UAP1L1: variants seen among roughly 807,000 people sequenced by gnomAD.
The protein encoded by UAP1L1 is UDP-N-acetylglucosamine pyrophosphorylase 1 like 1, also known as UDP-N-acetylhexosamine pyrophosphorylase-like protein 1.
In UAP1L1, 45 loss-of-function variants were observed where a neutral mutation model predicts 45.3. That is an observed-to-expected ratio of 0.99 (90% CI 0.78 to 1.27). The LOEUF (loss-of-function observed/expected upper bound fraction) is 1.27, where lower values mean the gene tolerates loss of function less well. Ranked by LOEUF, UAP1L1 falls within the 50% of genes most tolerant of loss-of-function variation. The pLI is 0.00. For missense variants in UAP1L1, 667 were observed against 694.0 expected (o/e 0.96, Z 0.44); for synonymous variants, 323 against 303.9 (o/e 1.06, Z -0.65).
At position 137,078,144 on chromosome 9, in the gene UAP1L1, C is replaced by T. The variant is rs1832723014; in HGVS notation, c.384C>T (p.Tyr128=). 2 of 1,550,064 alleles carry T rather than the reference C, an allele frequency of 1.3e-6. No individual in the cohort carries two copies. The highest frequency in any genetic ancestry group is 1.7e-6 in the Non-Finnish European group (2 of 1,146,868). The change falls in exon 2 of 9, where the codon TAC becomes TAT. Residue 128 remains tyrosine (Y), a synonymous_variant. Coordinates refer to ENST00000409858, the MANE Select transcript of UAP1L1 (RefSeq NM_207309.3). ...RLGVTYPKGM[Y]RVGLPSRKTL... ...GCGTGACCTACCCCAAGGGTATGTA[C>T]CGTGTGGGGCTGCCCAGCCGGAAGA...
rs1832822899 is a variant in UAP1L1, at chr9:137,083,383, G to A, written c.*654G>A. The stretch of plus-strand genomic sequence containing the variant: ...ATGTCCATGATCCAGGTGGCTCTGA[G>A]AAGCTTGGCCTGGACACCTGAGCCT... On this transcript the variant is annotated 3_prime_UTR_variant, in exon 9 of 9. Coordinates refer to ENST00000409858, the MANE Select transcript of UAP1L1 (RefSeq NM_207309.3). 1 of 152,428 alleles carries A rather than the reference G, an allele frequency of 6.6e-6. No individual in the cohort carries two copies. Among genetic ancestry groups the A allele is most frequent in the African/African-American group, 2.4e-5 (1 of 41,468 alleles). The allele number at this position is 152,428 out of a possible 1,614,324, so 9.4% of individuals were successfully genotyped here.
At position 137,078,654 on chromosome 9, in the gene UAP1L1, A is replaced by G. The variant is rs745357915; in HGVS notation, c.647A>G (p.Lys216Arg). 9.3e-6 allele frequency: 15 copies of G among 1,612,636 alleles called. No homozygotes were observed. Among genetic ancestry groups the G allele is most frequent in the Non-Finnish European group, 1.3e-5 (15 of 1,179,738 alleles). Residue 216 changes from lysine (K) to arginine (R), a missense_variant, in exon 3 of 9, where the codon AAA becomes AGA. Transcript: ENST00000409858. ...TFDGKVILERKDKVAMAPDGN... is the reference protein window; with the variant it reads ...TFDGKVILERRDKVAMAPDGN... The stretch of plus-strand genomic sequence containing the variant: ...GATGGCAAGGTTATCCTGGAGCGGA[A>G]AGACAAAGTTGCCATGGCCCCAGGT...
rs905246656 is a variant in UAP1L1 at position 137,077,961 on chromosome 9, T to C, written c.290-89T>C. The C allele has an allele frequency of 3.9e-5, 60 of 1,530,346 alleles. No individual in the cohort carries two copies. The highest frequency in any genetic ancestry group is 5.2e-5 in the Non-Finnish European group (59 of 1,144,718). The allele number at this position is 1,530,346 out of a possible 1,614,324, so 94.8% of individuals were successfully genotyped here. A position where few individuals can be genotyped will look rare whatever the true frequency, so the allele number is the denominator to read the frequency against. On this transcript the variant is annotated intron_variant, in intron 1 of 8. Transcript: ENST00000409858. This position sits in a 1 kb window ranked among gnomAD's most constrained non-coding sequence, Gnocchi z 4.7. ...CGCCTCACGCGTTCCGGCCCCCGAG[T>C]CCTGGCGCCCCAGCCCCAGAGTTGG...
rs1832710030 is a variant in UAP1L1, at chr9:137,077,549, A to G, written c.17A>G (p.Asp6Gly). The G allele has an allele frequency of 1.4e-6, 2 of 1,389,510 alleles. No individual in the cohort carries two copies. Among genetic ancestry groups the G allele is most frequent in the Non-Finnish European group, 1.9e-6 (2 of 1,064,226 alleles). The allele number at this position is 1,389,510 out of a possible 1,614,324, so 86.1% of individuals were successfully genotyped here. A position where few individuals can be genotyped will look rare whatever the true frequency, so the allele number is the denominator to read the frequency against. The part of the protein sequence containing the change: MASEQ[D>G]VRARLQRAGQ... Reference sequence around the variant, plus strand: ...AGCGGCGACATGGCTTCGGAGCAGGACGTGCGCGCCCGGCTGCAGCGCGCT... The same window carrying G: ...AGCGGCGACATGGCTTCGGAGCAGGGCGTGCGCGCCCGGCTGCAGCGCGCT... Residue 6 changes from aspartate to glycine, a missense_variant, in exon 1 of 9, where the codon GAC (aspartate) becomes GGC (glycine). By Grantham distance (94) the Asp-to-Gly change is moderately conservative. Coordinates refer to ENST00000409858, the MANE Select transcript of UAP1L1 (RefSeq NM_207309.3). The surrounding 1 kb of genome is among the most constrained non-coding windows in gnomAD (Gnocchi z 4.7).
At position 137,083,933 on chromosome 9, in the gene UAP1L1, C is replaced by T. The variant is rs1452077161; in HGVS notation, c.*1204C>T. The T allele has an allele frequency of 6.6e-6, 1 of 152,426 alleles. No individual in the cohort carries two copies. The highest frequency in any genetic ancestry group is 2.4e-5 in the African/African-American group (1 of 41,474). The allele number at this position is 152,426 out of a possible 1,614,324, so 9.4% of individuals were successfully genotyped here. ...TCTGGAAGGGCAGGTTCAGATGCAG[C>T]CTTCCAGATTTAGAGGCACTGGGAG... On this transcript the variant is annotated 3_prime_UTR_variant, in exon 9 of 9. Coordinates refer to ENST00000409858, the MANE Select transcript of UAP1L1 (RefSeq NM_207309.3).
Position 137,083,981 on chromosome 9 carries a change from C to G in UAP1L1, c.*1252C>G, listed in dbSNP as rs1305425199. The G allele has an allele frequency of 6.6e-6, 1 of 152,518 alleles. No individual in the cohort carries two copies. Among genetic ancestry groups the G allele is most frequent in the Non-Finnish European group, 1.5e-5 (1 of 68,206 alleles). 9.4% of individuals were successfully genotyped at this position (152,518 alleles called of 1,614,324 possible). ...GAGGACAGTGGCTGAGTGGAGGCGC[C>G]CAGACCTGGGCAGGCAGCAGGCTCA... is the stretch of plus-strand genomic sequence containing the variant. On this transcript the variant is annotated 3_prime_UTR_variant, in exon 9 of 9. Transcript: ENST00000409858.
In UAP1L1 at chr9:137,082,608, C is replaced by A. The variant is rs779620781; in HGVS notation, c.1432-29C>A. 7.2e-6 allele frequency: 11 copies of A among 1,537,938 alleles called. No individual in the cohort carries two copies. Among genetic ancestry groups the A allele is most frequent in the Admixed American group, 2.0e-5 (1 of 50,950 alleles). ...GCTGTGACCCGCCAAAAGGTGGGTA[C>A]TTGGCCATTGTCCCCTGCTCGTCTC... On this transcript the variant is annotated intron_variant, in intron 8 of 8. Coordinates refer to ENST00000409858, the MANE Select transcript of UAP1L1 (RefSeq NM_207309.3). The surrounding 1 kb of genome is among the most constrained non-coding windows in gnomAD (Gnocchi z 5.7).
rs1832812621 is a variant in UAP1L1 at position 137,082,799 on chromosome 9, C to A, written c.*70C>A. ...GGCATCCTGGAAGTCCCGACTCCCC[C>A]CAGACCTGCCAGCCCCGGCGTCCTG... On this transcript the variant is annotated 3_prime_UTR_variant, in exon 9 of 9. Transcript: ENST00000409858. This position sits in a 1 kb window ranked among gnomAD's most constrained non-coding sequence, Gnocchi z 5.7. 1 of 1,303,454 alleles carries A rather than the reference C, an allele frequency of 7.7e-7. No individual in the cohort carries two copies. The highest frequency in any genetic ancestry group is 1.1e-6 in the Non-Finnish European group (1 of 938,356). 80.7% of individuals were successfully genotyped at this position (1,303,454 alleles called of 1,614,324 possible). A position where few individuals can be genotyped will look rare whatever the true frequency, so the allele number is the denominator to read the frequency against.
chr9:137,078,120 C>T lies in UAP1L1; in HGVS notation c.360C>T (p.Gly120=). The T allele has an allele frequency of 6.5e-7, 1 of 1,550,228 alleles. No homozygotes were observed. Among genetic ancestry groups the T allele is most frequent in the Non-Finnish European group, 8.7e-7 (1 of 1,146,886 alleles). ...CTGGGGGGCAGGGCACTCGCCTGGGCGTGACCTACCCCAAGGGTATGTACC... is the reference window on the plus strand; with the variant it reads ...CTGGGGGGCAGGGCACTCGCCTGGGTGTGACCTACCCCAAGGGTATGTACC... ...LLAGGQGTRL[G]VTYPKGMYRV... Residue 120 remains glycine (G), a synonymous_variant, in exon 2 of 9, where the codon GGC becomes GGT. Coordinates refer to ENST00000409858, the MANE Select transcript of UAP1L1 (RefSeq NM_207309.3).
intron 3 of UAP1L1, 115 bp downstream of exon 3, chr9:137,078,792 G>T: frequency 7.4e-7 from 1 of 1,346,786 alleles, no homozygotes; most frequent in South Asian, 1.5e-5. Flanking sequence ...CCTGGGTTAG[G>T]CGCCTCTTTT....
intron 7 of UAP1L1, among the ~76,000 whole-genome samples, chr9:137,081,300 T>G (rs1832784477): frequency 1.3e-5 from 2 of 152,028 alleles, no homozygotes; most frequent in Admixed American, 1.3e-4. Flanking sequence ...TCCCCCGGTT[T>G]CCGCCATTCT....
At chr9:137,079,770 C>T in intron 5 of UAP1L1, 1 of 613,036 alleles carries the variant, frequency 1.6e-6, no homozygotes, top group South Asian at 2.1e-5. Flanking sequence ...GTTTGTTTGC[C>T]TGGGCAGGGA....
rs763743974 is a variant in UAP1L1 at position 137,083,136 on chromosome 9, C to T, written c.*407C>T. 6.9e-5 allele frequency: 13 copies of T among 188,782 alleles called. No individual in the cohort carries two copies. The highest frequency in any genetic ancestry group is 1.4e-4 in the African/African-American group (6 of 43,556). The allele number at this position is 188,782 out of a possible 1,614,324, so 11.7% of individuals were successfully genotyped here. A position where few individuals can be genotyped will look rare whatever the true frequency, so the allele number is the denominator to read the frequency against. The stretch of plus-strand genomic sequence containing the variant: ...AGGAGGGCATGTCCCTTTGGGAGCC[C>T]GCCTTGTGGATCCACCACACCCCAC... On this transcript the variant is annotated 3_prime_UTR_variant, in exon 9 of 9. Transcript: ENST00000409858.
rs368799027 is a variant in UAP1L1, at chr9:137,077,965, G to A, written c.290-85G>A. 248 of 1,531,202 alleles carry A rather than the reference G, an allele frequency of 1.6e-4. No homozygotes were observed. In the African/African-American group the frequency reaches 2.6e-3, roughly 16 times the overall value. 94.9% of individuals were successfully genotyped at this position (1,531,202 alleles called of 1,614,324 possible). ...TCACGCGTTCCGGCCCCCGAGTCCT[G>A]GCGCCCCAGCCCCAGAGTTGGTTTC... On this transcript the variant is annotated intron_variant, in intron 1 of 8. Transcript: ENST00000409858. This position sits in a 1 kb window ranked among gnomAD's most constrained non-coding sequence, Gnocchi z 4.7.
Position 137,081,918 on chromosome 9 carries a change from C to T in UAP1L1, c.1365-80C>T, listed in dbSNP as rs61740635. On this transcript the variant is annotated intron_variant, in intron 7 of 8. Coordinates refer to ENST00000409858, the MANE Select transcript of UAP1L1 (RefSeq NM_207309.3). ...GGGAGCCAGGTGTGTAGAGCTCAGT[C>T]TCCTATCGGGACTGGGGGTGCTGGG... is the stretch of plus-strand genomic sequence containing the variant. 3,103 of 1,271,912 alleles carry T rather than the reference C, an allele frequency of 2.4e-3. 47 individuals carry two copies. In the African/African-American group the frequency reaches 0.034, roughly 14 times the overall value. The allele number at this position is 1,271,912 out of a possible 1,614,324, so 78.8% of individuals were successfully genotyped here. A position where few individuals can be genotyped will look rare whatever the true frequency, so the allele number is the denominator to read the frequency against.
In UAP1L1 at chr9:137,082,780, C is replaced by A; in HGVS notation, c.*51C>A. On this transcript the variant is annotated 3_prime_UTR_variant, in exon 9 of 9. Transcript: ENST00000409858. This position sits in a 1 kb window ranked among gnomAD's most constrained non-coding sequence, Gnocchi z 5.7. The stretch of plus-strand genomic sequence containing the variant: ...CCCGAGACCTGCCAGCCCCGGCATC[C>A]TGGAAGTCCCGACTCCCCCCAGACC... 1 of 1,459,434 alleles carries A rather than the reference C, an allele frequency of 6.9e-7. No individual in the cohort carries two copies. The highest frequency in any genetic ancestry group is 9.3e-7 in the Non-Finnish European group (1 of 1,077,008). The allele number at this position is 1,459,434 out of a possible 1,614,324, so 90.4% of individuals were successfully genotyped here.
chr9:137,079,322 G>A lies in UAP1L1; in HGVS notation c.910G>A (p.Val304Met), dbSNP rs200017704. The A allele has an allele frequency of 3.7e-6, 6 of 1,613,232 alleles. No individual in the cohort carries two copies. In the East Asian group the frequency reaches 1.3e-4, roughly 36 times the overall value. The part of the protein sequence containing the change: ...VVCQVDGVPQ[V>M]VEYSEISPET... ...GTGCCAGGTGGACGGTGTCCCCCAG[G>A]TGGTGGAGTACAGCGAGATCAGTCC... Residue 304 changes from valine to methionine, a missense_variant, in exon 5 of 9, where the codon GTG becomes ATG. Physicochemically the swap from Val to Met is conservative, Grantham distance 21. Coordinates refer to ENST00000409858, the MANE Select transcript of UAP1L1 (RefSeq NM_207309.3).
At chr9:137,081,359 G>C (rs780422878) in intron 7 of UAP1L1, among the ~76,000 whole-genome samples, 1 of 149,994 alleles carries the variant, frequency 6.7e-6, no homozygotes, top group South Asian at 2.1e-4. Context: ...CCGCCACCAC[G>C]CCCGGCTCAT....
rs1267436992 is a variant in UAP1L1 at position 137,083,537 on chromosome 9, C to T, written c.*808C>T. On this transcript the variant is annotated 3_prime_UTR_variant, in exon 9 of 9. Coordinates refer to ENST00000409858, the MANE Select transcript of UAP1L1 (RefSeq NM_207309.3). Reference sequence around the variant, plus strand: ...AACCAGTGGGATCAATGCCGGCGGCCTCTGTGATGGTTGCTGACTAATCCG... The same window carrying T: ...AACCAGTGGGATCAATGCCGGCGGCTTCTGTGATGGTTGCTGACTAATCCG... The T allele has an allele frequency of 6.6e-6, 1 of 152,340 alleles. No homozygotes were observed. The allele number at this position is 152,340 out of a possible 1,614,324, so 9.4% of individuals were successfully genotyped here. A position where few individuals can be genotyped will look rare whatever the true frequency, so the allele number is the denominator to read the frequency against.
Sources: allele counts gnomAD v4.1 joint callset (sites outside exome capture counted in the v4.1 genomes callset), GRCh38; gene constraint gnomAD v4.1.1; non-coding constraint Gnocchi (gnomAD v3.1); transcripts MANE v1.5; gene names NCBI Gene and HGNC (gene_info 2026-07-23, HGNC 2026-07-21).